Variants in GYS2 observed in about 807,000 individuals in gnomAD.
The protein encoded by GYS2 is glycogen synthase 2.
Under a neutral mutation model 85.6 loss-of-function variants are expected in GYS2, and 80 were observed. The observed-to-expected ratio is 0.93, with a 90% CI of 0.78 to 1.13. The LOEUF (loss-of-function observed/expected upper bound fraction) is 1.13, where lower values mean the gene tolerates loss of function less well. Among genes scored for constraint, GYS2 ranks in the 50% most tolerant of loss-of-function variants. The probability of loss-of-function intolerance (pLI) is 0.00; values close to 1 mark genes in which losing one functional copy is unlikely to be tolerated. For synonymous variants in GYS2, 328 were observed against 300.7 expected (o/e 1.09, Z -0.94); for missense variants, 881 against 854.9 (o/e 1.03, Z -0.38).
chr12:21,604,448 T>C (rs772408419), intron 1 of GYS2, 24 bp downstream of exon 1: 1 of 1,435,534 alleles, frequency 7.0e-7, no homozygotes, highest in Non-Finnish European at 9.8e-7. Flanking sequence ...GGTGTACTGA[T>C]CCACCTTCAG....
chr12:21,553,796 A>AAC (rs3061568), intron 11 of GYS2, among the ~76,000 whole-genome samples: 4,836 of 151,390 alleles, frequency 0.032, 127 homozygotes, highest in Non-Finnish European at 0.041. Context: ...ACACACATAT[A>AAC]ACACACACAC....
intron 1 of GYS2, among the ~76,000 whole-genome samples, chr12:21,583,037 A>T (rs890522048): frequency 9.9e-5 from 15 of 152,214 alleles, no homozygotes; most frequent in Non-Finnish European, 1.9e-4. Flanking sequence ...ACTCAGGAGT[A>T]TATCAACTCT....
chr12:21,575,896 A>G lies in GYS2; in HGVS notation c.465T>C (p.Phe155=). Reference sequence around the variant, plus strand: ...TTAAGAACCAGGCAGTTAAAGATCCAAATATCAGCATATCATTGGCTTCTC... The same window carrying G: ...TTAAGAACCAGGCAGTTAAAGATCCGAATATCAGCATATCATTGGCTTCTC... ...HDREANDMLI[F]GSLTAWFLKE... is the part of the protein sequence containing the mutation. The change falls in exon 3 of 16, where the codon TTT becomes TTC. Residue 155 remains phenylalanine (F), a synonymous_variant. Coordinates refer to ENST00000261195, the MANE Select transcript of GYS2 (RefSeq NM_021957.4). The G allele has an allele frequency of 6.2e-7, 1 of 1,613,860 alleles. No individual in the cohort carries two copies. Among genetic ancestry groups the G allele is most frequent in the Non-Finnish European group, 8.5e-7 (1 of 1,179,786 alleles).
intron 11 of GYS2, among the ~76,000 whole-genome samples, chr12:21,553,785 T>C (rs146710257): frequency 3.5e-3 from 271 of 76,378 alleles, no homozygotes; most frequent in Non-Finnish European, 5.4e-3. Context: ...AACCAATTTA[T>C]ACACACATAT....
At chr12:21,564,998 G>T (rs1944300834) in intron 5 of GYS2, among the ~76,000 whole-genome samples, 1 of 152,002 alleles carries the variant, frequency 6.6e-6, no homozygotes, top group Non-Finnish European at 1.5e-5. Flanking sequence ...AGCTATAGAA[G>T]GCAAGAATGT....
intron 3 of GYS2, 36 bp downstream of exon 3, chr12:21,575,830 T>C (rs1944438454): frequency 2.7e-6 from 4 of 1,507,698 alleles, no homozygotes; most frequent in Non-Finnish European, 3.7e-6. Flanking sequence ...GCAGTTGTGC[T>C]GCTCCTCCGT....
chr12:21,588,575 T>G (rs1022427561), intron 1 of GYS2, among the ~76,000 whole-genome samples: 1 of 152,148 alleles, frequency 6.6e-6, no homozygotes, highest in East Asian at 1.9e-4. Context: ...TAAGGAAAAG[T>G]TTTTTACTGT....
chr12:21,549,263 GT>G (rs565419737), intron 11 of GYS2, among the ~76,000 whole-genome samples: 1 of 152,254 alleles, frequency 6.6e-6, no homozygotes, highest in South Asian at 2.1e-4. Context: ...TACCTAAGGG[GT>G]TATTGAAAAT....
intron 1 of GYS2, among the ~76,000 whole-genome samples, chr12:21,596,530 C>T (rs558341548): frequency 5.3e-4 from 81 of 152,204 alleles, no homozygotes; most frequent in African/African-American, 1.9e-3. Flanking sequence ...GCAGAAAAAG[C>T]ATTCAACAAA....
rs777214550 is a variant in GYS2, at chr12:21,604,476, A to G, written c.117T>C (p.Asn39=). ...LLFEVAWEVT[N]KVGGIYTVIQ... ...ACCTTCAGGAGCAGTACAAACCTTT[A>G]TTGGTCACTTCCCAAGCAACTTCAA... Residue 39 remains asparagine (N), a synonymous_variant, in exon 1 of 16, where the codon AAT becomes AAC. Coordinates refer to ENST00000261195, the MANE Select transcript of GYS2 (RefSeq NM_021957.4). 2 of 1,600,668 alleles carry G rather than the reference A, an allele frequency of 1.2e-6. No homozygotes were observed. Among genetic ancestry groups the G allele is most frequent in the African/African-American group, 1.3e-5 (1 of 74,608 alleles).
At chr12:21,534,666 T>G (rs1591771877), downstream of GYS2, among the ~76,000 whole-genome samples, 1 of 151,964 alleles carries the variant, frequency 6.6e-6, no homozygotes, top group East Asian at 1.9e-4. Context: ...AAAATATCAG[T>G]GGGTTTATCC....
intron 1 of GYS2, among the ~76,000 whole-genome samples, chr12:21,586,419 ATATCTATC>A (rs60692055): frequency 0.036 from 5,284 of 147,846 alleles, 127 homozygotes; most frequent in African/African-American, 0.056. Flanking sequence ...ATCTAAATCT[ATATCTATC>A]TATCTATCTA....
In GYS2 at chr12:21,580,525, T is replaced by G; in HGVS notation, c.122-2A>C. ...GAATCACAGTATAGATGCCTCCAAC[T>G]GTTAAAAGGAAAAAAGTTTCTATTA... On this transcript the variant is annotated splice_acceptor_variant, in intron 1 of 15. Transcript: ENST00000261195. LOFTEE classifies it high-confidence loss of function. The G allele has an allele frequency of 1.2e-6, 2 of 1,610,730 alleles. No individual in the cohort carries two copies. The highest frequency in any genetic ancestry group is 1.7e-6 in the Non-Finnish European group (2 of 1,177,626).
At chr12:21,584,482 C>A (rs899501394) in intron 1 of GYS2, among the ~76,000 whole-genome samples, 1 of 149,778 alleles carries the variant, frequency 6.7e-6, no homozygotes, top group Non-Finnish European at 1.5e-5. Context: ...CTCATGTCAT[C>A]GTCCAATGGA....
chr12:21,574,078 C>A (rs1591799141), intron 4 of GYS2, 66 bp downstream of exon 4: 5 of 1,258,492 alleles, frequency 4.0e-6, no homozygotes, highest in Non-Finnish European at 5.8e-6. Context: ...CAGATCAATA[C>A]TTATCTTTCA....
chr12:21,586,815 A>G (rs1041362779), intron 1 of GYS2, among the ~76,000 whole-genome samples: 2 of 152,168 alleles, frequency 1.3e-5, no homozygotes, highest in Admixed American at 6.5e-5. Context: ...CTGCAATCCC[A>G]CTACTGGGTA....
At chr12:21,584,664 G>T (rs1944553090) in intron 1 of GYS2, among the ~76,000 whole-genome samples, 1 of 152,180 alleles carries the variant, frequency 6.6e-6, no homozygotes, top group African/African-American at 2.4e-5. Context: ...CCAGCTACCT[G>T]GTGGCAGGTT....
intron 12 of GYS2, among the ~76,000 whole-genome samples, chr12:21,542,918 C>T (rs1362123954): frequency 5.3e-5 from 8 of 152,168 alleles, no homozygotes; most frequent in Non-Finnish European, 8.8e-5. Flanking sequence ...GCGGAACTGC[C>T]GGGCTCCACT....
intron 5 of GYS2, among the ~76,000 whole-genome samples, chr12:21,565,608 A>T (rs1408020318): frequency 1.3e-5 from 2 of 150,332 alleles, no homozygotes; most frequent in African/African-American, 4.9e-5. Flanking sequence ...AATTTGATTA[A>T]TTTAATTTAA....
Sources: allele counts gnomAD v4.1 joint callset (sites outside exome capture counted in the v4.1 genomes callset), GRCh38; gene constraint gnomAD v4.1.1; transcripts MANE v1.5; gene names NCBI Gene and HGNC (gene_info 2026-07-23, HGNC 2026-07-21).